Variants in SLC35F3 observed in about 807,000 individuals in gnomAD.
SLC35F3 encodes the protein solute carrier family 35 member F3.
In SLC35F3, 25 loss-of-function variants were observed where a neutral mutation model predicts 49.9. The observed-to-expected ratio is 0.50, with a 90% CI of 0.37 to 0.70. The LOEUF is 0.70. Ranked by LOEUF, SLC35F3 falls within the 30% of genes least tolerant of loss-of-function variation. The pLI, the probability that SLC35F3 is intolerant of heterozygous loss-of-function variation, is 0.00. For synonymous variants in SLC35F3, 275 were observed against 265.4 expected, an observed-to-expected ratio of 1.04 and a Z score of -0.35; for missense variants, 525 against 639.8, an observed-to-expected ratio of 0.82 and a Z score of 1.94.
chr1:233,956,013 G>A (rs12744897), intron 2 of SLC35F3, among the ~76,000 whole-genome samples: 29,023 of 148,766 alleles, frequency 0.2, 2,943 homozygotes, highest in East Asian at 0.32. Flanking sequence ...TCAGTCTCTC[G>A]AGTAGCTGGC....
intron 2 of SLC35F3, among the ~76,000 whole-genome samples, chr1:233,950,435 C>T (rs561271645): frequency 4.1e-5 from 6 of 146,740 alleles, no homozygotes; most frequent in African/African-American, 1.5e-4. Flanking sequence ...AAATGGTCAG[C>T]AAAGAAATGT....
At chr1:234,248,417 T>C (rs1157111157) in intron 3 of SLC35F3, among the ~76,000 whole-genome samples, 7 of 152,254 alleles carry the variant, frequency 4.6e-5, no homozygotes, top group Non-Finnish European at 8.8e-5. Flanking sequence ...GTCAGTTGGC[T>C]GGTGCATTGT....
intron 2 of SLC35F3, among the ~76,000 whole-genome samples, chr1:234,020,674 A>G (rs746582808): frequency 7.9e-5 from 12 of 152,154 alleles, no homozygotes; most frequent in Non-Finnish European, 1.5e-4. Flanking sequence ...ATTGGAAGCA[A>G]TTCTTTCAGT....
chr1:234,281,170 G>C (rs1302522245), intron 3 of SLC35F3, among the ~76,000 whole-genome samples: 3 of 152,110 alleles, frequency 2.0e-5, no homozygotes, highest in African/African-American at 7.2e-5. Flanking sequence ...CTTTACAGAA[G>C]TAATTAGGTA....
chr1:233,959,735 T>C (rs1466668712), intron 2 of SLC35F3, among the ~76,000 whole-genome samples: 1 of 152,168 alleles, frequency 6.6e-6, no homozygotes, highest in Non-Finnish European at 1.5e-5. Context: ...GAAGGTTAAG[T>C]GCCTTGGCCA....
intron 2 of SLC35F3, among the ~76,000 whole-genome samples, chr1:234,150,534 T>C (rs999885401): frequency 6.6e-6 from 1 of 152,210 alleles, no homozygotes; most frequent in African/African-American, 2.4e-5. Context: ...CCCTTTACTT[T>C]TCATCCCTTA....
chr1:233,936,952 A>G (rs1662344142), intron 2 of SLC35F3, among the ~76,000 whole-genome samples: 1 of 152,132 alleles, frequency 6.6e-6, no homozygotes, highest in Admixed American at 6.5e-5. Context: ...TTGGCCTCCC[A>G]AAGTGTTGAG....
intron 3 of SLC35F3, among the ~76,000 whole-genome samples, chr1:234,304,833 G>A (rs1458381581): frequency 6.6e-6 from 1 of 151,734 alleles, no homozygotes; most frequent in Non-Finnish European, 1.5e-5. Flanking sequence ...TAGAAGAGTT[G>A]GAATATAAAG....
intron 2 of SLC35F3, among the ~76,000 whole-genome samples, chr1:234,071,889 C>T (rs185100283): frequency 2.0e-5 from 3 of 152,328 alleles, no homozygotes; most frequent in Admixed American, 2.0e-4. Flanking sequence ...ACTCCACTAT[C>T]CCTTGTCAAT....
At chr1:234,016,319 G>A (rs1663801731) in intron 2 of SLC35F3, among the ~76,000 whole-genome samples, 1 of 152,184 alleles carries the variant, frequency 6.6e-6, no homozygotes, top group East Asian at 1.9e-4. Context: ...AAACCAGTAT[G>A]TTGAAGAGCT....
At chr1:234,158,127 G>C (rs1666179631) in intron 2 of SLC35F3, among the ~76,000 whole-genome samples, 1 of 152,110 alleles carries the variant, frequency 6.6e-6, no homozygotes, top group South Asian at 2.1e-4. Flanking sequence ...CAAGATTCTT[G>C]TTTCTTGCAT....
At chr1:234,288,087 A>G (rs904603190) in intron 3 of SLC35F3, among the ~76,000 whole-genome samples, 12 of 151,740 alleles carry the variant, frequency 7.9e-5, no homozygotes, top group Non-Finnish European at 1.8e-4. Context: ...GGGTCTCGCT[A>G]TGTTGCCCAG....
At chr1:234,143,766 G>A (rs1029049214) in intron 2 of SLC35F3, among the ~76,000 whole-genome samples, 1 of 152,162 alleles carries the variant, frequency 6.6e-6, no homozygotes, top group Non-Finnish European at 1.5e-5. Context: ...ATCATGTATT[G>A]ATAAACATTT....
chr1:234,073,573 T>C (rs574417608), intron 2 of SLC35F3, among the ~76,000 whole-genome samples: 42 of 152,288 alleles, frequency 2.8e-4, no homozygotes, highest in African/African-American at 8.9e-4. Context: ...ATTCAGCCTA[T>C]CCATCAGGAT....
At chr1:234,270,529 G>A (rs1021233385) in intron 3 of SLC35F3, among the ~76,000 whole-genome samples, 1 of 152,160 alleles carries the variant, frequency 6.6e-6, no homozygotes, top group Non-Finnish European at 1.5e-5. Flanking sequence ...TTGATCTGTG[G>A]CAGAATGCAG....
intron 2 of SLC35F3, among the ~76,000 whole-genome samples, chr1:234,147,149 A>G (rs1458595): frequency 0.26 from 38,788 of 151,182 alleles, 6,713 homozygotes; most frequent in East Asian, 0.75. Context: ...GTTTTACTGT[A>G]TTAAAGGATG....
intron 2 of SLC35F3, among the ~76,000 whole-genome samples, chr1:233,992,636 C>A (rs935069264): frequency 6.6e-6 from 1 of 152,172 alleles, no homozygotes; most frequent in African/African-American, 2.4e-5. Context: ...TTCACTAAGC[C>A]CAGTTCTCAA....
intron 2 of SLC35F3, among the ~76,000 whole-genome samples, chr1:234,128,183 C>T (rs999973932): frequency 2.3e-4 from 35 of 152,208 alleles, no homozygotes; most frequent in African/African-American, 3.1e-4. Flanking sequence ...ACAGTGGGAG[C>T]AGGAAGGAAG....
chr1:234,088,985 C>T (rs1014608397), intron 2 of SLC35F3, among the ~76,000 whole-genome samples: 1 of 152,182 alleles, frequency 6.6e-6, no homozygotes, highest in African/African-American at 2.4e-5. Context: ...TGGTCTCCAA[C>T]TTCAGGGCTC....
Sources: gnomAD v4.1 joint callset for allele counts (sites outside exome capture counted in the v4.1 genomes callset) on GRCh38, gnomAD v4.1.1 for gene constraint, MANE v1.5 for transcripts, NCBI Gene and HGNC (gene_info 2026-07-23, HGNC 2026-07-21) for gene names.